PYGB: variants seen among roughly 807,000 people sequenced by gnomAD.
PYGB encodes the protein glycogen phosphorylase, brain form.
PYGB carries 82 observed loss-of-function variants against 94.3 expected under a neutral mutation model. The ratio of observed to expected loss-of-function variants is 0.87; its 90% CI spans 0.73 to 1.04. The LOEUF is 1.04. PYGB is among the 50% of genes least tolerant of loss of function. The pLI is 0.00. For missense variants in PYGB, 1,132 were observed against 1,158.2 expected, an observed-to-expected ratio of 0.98 and a Z score of 0.33; for synonymous variants, 488 against 479.1, an observed-to-expected ratio of 1.02 and a Z score of -0.24.
intron 19 of PYGB, 61 bp downstream of exon 19, chr20:25,295,731 G>T (rs1363344665): frequency 4.6e-6 from 7 of 1,506,894 alleles, no homozygotes; most frequent in Non-Finnish European, 5.5e-6. Flanking sequence ...AGACGTGTTG[G>T]GTCAGATTGT....
In PYGB at chr20:25,277,273, C is replaced by T. The variant is rs757810371; in HGVS notation, c.802C>T (p.Leu268=). 1.3e-6 allele frequency: 2 copies of T among 1,584,836 alleles called. No homozygotes were observed. The highest frequency in any genetic ancestry group is 2.2e-5 in the South Asian group (2 of 90,414). ...FNVGDYIEAV[L]DRNLAENISR... is the part of the protein sequence containing the mutation. ...CGTGGGAGACTACATCGAGGCGGTC[C>T]TGGACCGGAACTTGGCTGAGAACAT... Residue 268 remains leucine, a synonymous_variant, in exon 7 of 20, where the codon CTG becomes TTG. Transcript: ENST00000216962.
intron 4 of PYGB, among the ~76,000 whole-genome samples, chr20:25,273,980 T>TG (rs1269552621): frequency 6.6e-6 from 1 of 152,248 alleles, no homozygotes; most frequent in Non-Finnish European, 1.5e-5. Context: ...CCCAGAGTGC[T>TG]GGGACTGTAG....
intron 4 of PYGB, among the ~76,000 whole-genome samples, chr20:25,273,155 C>T (rs1172797431): frequency 6.6e-6 from 1 of 152,242 alleles, no homozygotes; most frequent in East Asian, 1.9e-4. Context: ...GGCCAGCCTG[C>T]TTGGCACCCT....
chr20:25,265,517 A>G (rs2474766), intron 2 of PYGB, among the ~76,000 whole-genome samples: 66,312 of 151,470 alleles, frequency 0.44, 15,254 homozygotes, highest in East Asian at 0.92. Flanking sequence ...GGCCATTTGT[A>G]TATCTTGTTT....
chr20:25,292,735 C>CTGGGTGGGCACTG, intron 17 of PYGB, 122 bp downstream of exon 17: 1 of 1,259,130 alleles, frequency 7.9e-7, no homozygotes, highest in Non-Finnish European at 1.1e-6. Context: ...GGTCAGTGCC[C>CTGGGTGGGCACTG]ACCCAGGGCT....
At chr20:25,258,045 G>A (rs1297203917) in intron 1 of PYGB, among the ~76,000 whole-genome samples, 5 of 152,146 alleles carry the variant, frequency 3.3e-5, no homozygotes, top group African/African-American at 9.7e-5. Context: ...TTCCTGTGAC[G>A]TAAAGGACTT....
Position 25,296,483 on chromosome 20 carries a change from C to A in PYGB, c.2493C>A (p.Ser831=). 2 of 1,613,808 alleles carry A rather than the reference C, an allele frequency of 1.2e-6. No homozygotes were observed. Among genetic ancestry groups the A allele is most frequent in the South Asian group, 1.1e-5 (1 of 91,076 alleles). ...GGGAGATCTGGGGTGTGGAGCCCTCCGACCTGCAGATCCCGCCCCCCAACA... is the reference window on the plus strand; with the variant it reads ...GGGAGATCTGGGGTGTGGAGCCCTCAGACCTGCAGATCCCGCCCCCCAACA... ...YAREIWGVEP[S]DLQIPPPNIP... The change falls in exon 20 of 20, where the codon TCC becomes TCA. Residue 831 remains serine (S), a synonymous_variant. Coordinates refer to ENST00000216962, the MANE Select transcript of PYGB (RefSeq NM_002862.4).
intron 2 of PYGB, among the ~76,000 whole-genome samples, chr20:25,263,030 C>T (rs1215740472): frequency 6.6e-6 from 1 of 152,156 alleles, no homozygotes; most frequent in African/African-American, 2.4e-5. Flanking sequence ...GACTTTAACA[C>T]CCCACTGTCA....
At chr20:25,262,246 G>T (rs542289394) in intron 2 of PYGB, among the ~76,000 whole-genome samples, 4 of 152,206 alleles carry the variant, frequency 2.6e-5, no homozygotes, top group South Asian at 4.1e-4. Flanking sequence ...TGGATTACCC[G>T]CAAAGGGAAG....
chr20:25,251,045 A>T (rs975520918), intron 1 of PYGB: 1 of 152,256 alleles, frequency 6.6e-6, no homozygotes, highest in Admixed American at 6.5e-5. Context: ...TTTGTGGTAC[A>T]TAGCGAAAGA....
Position 25,269,136 on chromosome 20 carries a change from T to G in PYGB, c.353T>G (p.Leu118Ter). Residue 118 changes from leucine (L) to a stop codon, truncating the protein, a stop_gained, in exon 3 of 20, where the codon TTA (leucine) becomes TGA (stop). Coordinates refer to ENST00000216962, the MANE Select transcript of PYGB (RefSeq NM_002862.4). LOFTEE classifies it high-confidence loss of function. ...ACDEAIYQLG[L>*]DLEELEEIEE... ...CTGTGTTTTTGTTTGCAGTTGGGGT[T>G]AGACTTGGAGGAACTCGAGGAGATA... The G allele has an allele frequency of 6.3e-7, 1 of 1,583,086 alleles. No individual in the cohort carries two copies. Among genetic ancestry groups the G allele is most frequent in the Non-Finnish European group, 8.7e-7 (1 of 1,151,698 alleles).
intron 1 of PYGB, among the ~76,000 whole-genome samples, chr20:25,257,291 G>T (rs1483264155): frequency 6.6e-6 from 1 of 152,260 alleles, no homozygotes; most frequent in Non-Finnish European, 1.5e-5. Flanking sequence ...GCAGGCCCTG[G>T]GCAGTGCCTT....
chr20:25,290,569 A>G lies in PYGB; in HGVS notation c.1916A>G (p.Asp639Gly), dbSNP rs2088457640. Reference sequence around the variant, plus strand: ...GTCAATCATGACCCAGTTGTGGGTGACAGGTTGAAAGTGATCTTCCTGGAG... The same window carrying G: ...GTCAATCATGACCCAGTTGTGGGTGGCAGGTTGAAAGTGATCTTCCTGGAG... ...DVVNHDPVVG[D>G]RLKVIFLENY... Residue 639 changes from aspartate (D) to glycine (G), a missense_variant, in exon 16 of 20, where the codon GAC becomes GGC. Asp to Gly is a moderately conservative substitution (Grantham distance 94). Transcript: ENST00000216962. 1.2e-6 allele frequency: 2 copies of G among 1,610,966 alleles called. No individual in the cohort carries two copies. Among genetic ancestry groups the G allele is most frequent in the South Asian group, 2.2e-5 (2 of 91,018 alleles).
At chr20:25,283,514 G>T (rs1158900036) in intron 13 of PYGB, among the ~76,000 whole-genome samples, 2 of 152,218 alleles carry the variant, frequency 1.3e-5, no homozygotes, top group Non-Finnish European at 2.9e-5. Flanking sequence ...AGATAGGTGA[G>T]TGCAGACCCC....
At chr20:25,295,443 C>G (rs999391898) in intron 18 of PYGB, among the ~76,000 whole-genome samples, 161 bp from the exon 19 acceptor site, 1 of 152,274 alleles carries the variant, frequency 6.6e-6, no homozygotes, top group African/African-American at 2.4e-5. Flanking sequence ...GCCAAATGGG[C>G]CTGGTGCAGC....
intron 1 of PYGB, among the ~76,000 whole-genome samples, chr20:25,249,880 G>C (rs1043820474): frequency 6.8e-6 from 1 of 146,294 alleles, no homozygotes; most frequent in Non-Finnish European, 1.5e-5. Flanking sequence ...TCTGAGTCTT[G>C]CCCTGTAGCG....
At chr20:25,293,000 C>T (rs371218874) in intron 17 of PYGB, among the ~76,000 whole-genome samples, 12 of 152,226 alleles carry the variant, frequency 7.9e-5, no homozygotes, top group Admixed American at 2.0e-4. Context: ...CTGCCAGGGG[C>T]GCTCTGCCGG....
chr20:25,295,117 G>A (rs570369351), intron 18 of PYGB: 6 of 1,364,582 alleles, frequency 4.4e-6, no homozygotes, highest in East Asian at 4.6e-5. Flanking sequence ...AAATGCATTT[G>A]TAGATTCATA....
rs544493047 is a variant in PYGB, at chr20:25,275,055, A to AG, written c.660+334dup. Reference sequence around the variant, plus strand: ...AGAACCCCGCTGCTTAAGGGCAGGCAGGAGGGTGTTCTGATGGGATGGGGG... The same window carrying AG: ...AGAACCCCGCTGCTTAAGGGCAGGCAGGGAGGGTGTTCTGATGGGATGGGGG... On this transcript the variant is annotated intron_variant, in intron 5 of 19. Coordinates refer to ENST00000216962, the MANE Select transcript of PYGB (RefSeq NM_002862.4). 1.8e-3 allele frequency among the ~76,000 whole-genome samples: 271 copies of AG among 152,362 alleles called. 1 individual carries two copies. Among genetic ancestry groups the AG allele is most frequent in the African/African-American group, 6.3e-3 (263 of 41,598 alleles).
Sources: allele counts gnomAD v4.1 joint callset (sites outside exome capture counted in the v4.1 genomes callset), GRCh38; gene constraint gnomAD v4.1.1; transcripts MANE v1.5; gene names NCBI Gene and HGNC (gene_info 2026-07-23, HGNC 2026-07-21).